Variants in LTBP1 observed in about 807,000 individuals in gnomAD.
The protein encoded by LTBP1 is latent-transforming growth factor beta-binding protein 1.
A neutral mutation model predicts 207.6 loss-of-function variants in LTBP1; 129 were observed. The ratio of observed to expected loss-of-function variants is 0.62; its 90% CI spans 0.54 to 0.72. LTBP1 has a LOEUF of 0.72. Ranked by LOEUF, LTBP1 falls within the 30% of genes least tolerant of loss-of-function variation. The pLI is 0.00. For synonymous variants in LTBP1, 963 were observed against 833.7 expected (o/e 1.16, Z -2.67); for missense variants, 2,281 against 2,217.2 (o/e 1.03, Z -0.58).
intron 9 of LTBP1, among the ~76,000 whole-genome samples, chr2:33,233,403 T>C (rs6744939): frequency 0.032 from 4,860 of 152,274 alleles, 277 homozygotes; most frequent in African/African-American, 0.11. Flanking sequence ...TTGTTTTATA[T>C]TGTTTAAGTA....
At chr2:33,037,534 C>G (rs1217393241) in intron 3 of LTBP1, among the ~76,000 whole-genome samples, 1 of 152,096 alleles carries the variant, frequency 6.6e-6, no homozygotes, top group Non-Finnish European at 1.5e-5. Flanking sequence ...TGACCTCTTT[C>G]TACATATTAA....
intron 32 of LTBP1, among the ~76,000 whole-genome samples, chr2:33,391,066 C>T (rs2095310565): frequency 6.7e-6 from 1 of 148,804 alleles, no homozygotes; most frequent in African/African-American, 2.6e-5. Context: ...CCTTCCTTCC[C>T]CTCCACCTTT....
intron 18 of LTBP1, among the ~76,000 whole-genome samples, chr2:33,277,795 T>TTCTTTCTTTCTTTC (rs1394277684): frequency 9.3e-5 from 10 of 107,994 alleles, no homozygotes; most frequent in Admixed American, 4.9e-4. Context: ...CTTTCTTTCT[T>TTCTTTCTTTCTTTC]TCTCTCTCTC....
chr2:33,226,762 G>C (rs549391342), intron 9 of LTBP1, among the ~76,000 whole-genome samples: 78 of 152,252 alleles, frequency 5.1e-4, no homozygotes, highest in African/African-American at 1.8e-3. Context: ...ATGCTAATGA[G>C]CAGTGAGGGT....
At chr2:33,348,204 A>G (rs2094729688) in intron 26 of LTBP1, among the ~76,000 whole-genome samples, 1 of 152,086 alleles carries the variant, frequency 6.6e-6, no homozygotes, top group African/African-American at 2.4e-5. Flanking sequence ...TGAAACATAG[A>G]CCATTTTTTT....
At chr2:33,339,046 G>T (rs1367483830) in intron 24 of LTBP1, among the ~76,000 whole-genome samples, 1 of 148,370 alleles carries the variant, frequency 6.7e-6, no homozygotes, top group Admixed American at 6.7e-5. Context: ...AATGGATAGA[G>T]GGAGGGAGGC....
chr2:33,039,559 A>C (rs1256723975), intron 3 of LTBP1, among the ~76,000 whole-genome samples: 1 of 152,214 alleles, frequency 6.6e-6, no homozygotes, highest in Non-Finnish European at 1.5e-5. Flanking sequence ...ATATCGAGAC[A>C]CCAAGTAAAA....
chr2:33,271,431 G>A (rs1053905430), intron 15 of LTBP1, among the ~76,000 whole-genome samples: 5 of 152,060 alleles, frequency 3.3e-5, no homozygotes, highest in African/African-American at 1.2e-4. Flanking sequence ...TGCAAAGGAA[G>A]CTTCTATGTA....
rs376436106 is a variant in LTBP1, at chr2:33,389,214, T to C, written c.4742T>C (p.Val1581Ala). 12 of 1,614,026 alleles carry C rather than the reference T, an allele frequency of 7.4e-6. No homozygotes were observed. The highest frequency in any genetic ancestry group is 1.7e-5 in the Admixed American group (1 of 59,988). The part of the protein sequence containing the change: ...DDYAQLCNIP[V>A]TGRRQPYGRD... ...TATGCTCAGCTGTGTAACATCCCCG[T>C]GACGGGACGCCGGCAGCCATATGGA... is the stretch of plus-strand genomic sequence containing the variant. Residue 1581 changes from valine to alanine, a missense_variant, in exon 32 of 34, where the codon GTG (valine) becomes GCG (alanine). By Grantham distance (64) the Val-to-Ala change is moderately conservative. This residue lies in a region of LTBP1 where 1,671 missense variants were observed against 1,634.8 expected (regional missense o/e 1.02). Transcript: ENST00000404816.
intron 5 of LTBP1, among the ~76,000 whole-genome samples, chr2:33,180,968 G>A (rs4670828): frequency 0.44 from 66,853 of 151,644 alleles, 15,369 homozygotes; most frequent in Non-Finnish European, 0.5. Flanking sequence ...TCAGAGACAA[G>A]TGGGAAAGTC....
chr2:33,322,174 G>T (rs1452553716), intron 24 of LTBP1, among the ~76,000 whole-genome samples: 1 of 150,560 alleles, frequency 6.6e-6, no homozygotes, highest in Non-Finnish European at 1.5e-5. Context: ...TCAAACCCCA[G>T]AGCTATGGAA....
chr2:33,365,546 C>A, intron 31 of LTBP1, 43 bp downstream of exon 31: 1 of 1,585,392 alleles, frequency 6.3e-7, no homozygotes, highest in Non-Finnish European at 8.6e-7. Context: ...CCTTTGGGGA[C>A]AAGTTCATCT....
intron 7 of LTBP1, among the ~76,000 whole-genome samples, chr2:33,212,771 A>G (rs573690803): frequency 2.0e-5 from 3 of 152,360 alleles, no homozygotes; most frequent in Admixed American, 2.0e-4. Flanking sequence ...AATGCTCCAG[A>G]ATCCAAAATG....
intron 3 of LTBP1, among the ~76,000 whole-genome samples, chr2:33,101,451 A>T (rs1405455675): frequency 6.6e-6 from 1 of 152,222 alleles, no homozygotes; most frequent in Non-Finnish European, 1.5e-5. Context: ...CACCCATCAT[A>T]AAAAGAAATC....
chr2:33,101,373 G>C (rs2079729192), intron 3 of LTBP1, among the ~76,000 whole-genome samples: 1 of 152,146 alleles, frequency 6.6e-6, no homozygotes, highest in African/African-American at 2.4e-5. Flanking sequence ...ATGAAATTCT[G>C]TTTTTGTTTT....
At chr2:33,186,727 AC>A (rs1485963400) in intron 5 of LTBP1, 128 bp from the exon 6 acceptor site, 25 of 675,446 alleles carry the variant, frequency 3.7e-5, no homozygotes, top group African/African-American at 7.2e-5. Flanking sequence ...TCCTCTGTTT[AC>A]CATTTCTAAA....
rs2086751909 is a variant in LTBP1, at chr2:33,182,615, T to G, written c.1202-4241T>G. On this transcript the variant is annotated intron_variant, in intron 5 of 33. Transcript: ENST00000404816. ...AGGCGGAGCTTGCAGTGAGCCGAGATGGCGCCACTGCACTCCAGCCTGGGT... is the reference window on the plus strand; with the variant it reads ...AGGCGGAGCTTGCAGTGAGCCGAGAGGGCGCCACTGCACTCCAGCCTGGGT... Among the ~76,000 whole-genome samples the G allele has an allele frequency of 2.0e-5, 3 of 147,042 alleles. No homozygotes were observed. In the South Asian group the frequency reaches 6.5e-4, roughly 32 times the overall value.
At chr2:33,135,328 G>T (rs147243227) in intron 5 of LTBP1, among the ~76,000 whole-genome samples, 42 of 152,274 alleles carry the variant, frequency 2.8e-4, no homozygotes, top group Admixed American at 9.8e-4. Context: ...ATTTGTCTTA[G>T]ATTTGACTCA....
intron 2 of LTBP1, among the ~76,000 whole-genome samples, chr2:33,002,529 C>G (rs1397924723): frequency 6.6e-6 from 1 of 152,072 alleles, no homozygotes; most frequent in Non-Finnish European, 1.5e-5. Flanking sequence ...CTCCACAGTG[C>G]TCTTGTGGGT....
Sources: allele counts gnomAD v4.1 joint callset (sites outside exome capture counted in the v4.1 genomes callset), GRCh38; gene constraint gnomAD v4.1.1; regional missense constraint gnomAD v4.1.1; transcripts MANE v1.5; gene names NCBI Gene and HGNC (gene_info 2026-07-23, HGNC 2026-07-21).